KCTD16: variants seen among roughly 807,000 people sequenced by gnomAD.
The protein encoded by KCTD16 is potassium channel tetramerization domain containing 16.
A neutral mutation model predicts 33.2 loss-of-function variants in KCTD16; 13 were observed. That is an observed-to-expected ratio of 0.39 (90% CI 0.25 to 0.62). The LOEUF is 0.62. Ranked by LOEUF, KCTD16 falls within the 20% of genes least tolerant of loss-of-function variation. KCTD16 has a pLI of 0.50. For synonymous variants in KCTD16, 197 were observed against 195.3 expected (o/e 1.01, Z -0.07); for missense variants, 441 against 525.1 (o/e 0.84, Z 1.57).
At chr5:144,402,525 T>G (rs887530707) in intron 3 of KCTD16, among the ~76,000 whole-genome samples, 1 of 152,186 alleles carries the variant, frequency 6.6e-6, no homozygotes, top group Non-Finnish European at 1.5e-5. Flanking sequence ...CTGACTCCAC[T>G]GCTTACTAGC....
chr5:144,352,127 G>T (rs1159895477), intron 3 of KCTD16, among the ~76,000 whole-genome samples: 1 of 152,076 alleles, frequency 6.6e-6, no homozygotes, highest in East Asian at 1.9e-4. Flanking sequence ...ACATCATGTT[G>T]TATACATCAC....
In KCTD16 at chr5:144,478,023, T is replaced by C. The variant is rs957333738; in HGVS notation, c.*3909T>C. On this transcript the variant is annotated 3_prime_UTR_variant, in exon 4 of 4. Coordinates refer to ENST00000512467, the MANE Select transcript of KCTD16 (RefSeq NM_020768.4). ...TGGCAGATAAATGTTTTTGCCAATT[T>C]GCATGCTGGTTTATAGGTTTAGCAT... 2 of 152,108 alleles carry C rather than the reference T, an allele frequency of 1.3e-5. No individual in the cohort carries two copies. The highest frequency in any genetic ancestry group is 2.9e-5 in the Non-Finnish European group (2 of 67,968). 9.4% of individuals were successfully genotyped at this position (152,108 alleles called of 1,614,324 possible). A position where few individuals can be genotyped will look rare whatever the true frequency, so the allele number is the denominator to read the frequency against.
chr5:144,452,289 A>G (rs1381924781), intron 3 of KCTD16, among the ~76,000 whole-genome samples: 1 of 151,802 alleles, frequency 6.6e-6, no homozygotes, highest in African/African-American at 2.4e-5. Flanking sequence ...TACTATGTAA[A>G]ATTTAACCAA....
At chr5:144,421,831 T>G (rs1753218689) in intron 3 of KCTD16, among the ~76,000 whole-genome samples, 1 of 151,974 alleles carries the variant, frequency 6.6e-6, no homozygotes, top group Non-Finnish European at 1.5e-5. Flanking sequence ...AGAAAGTAAA[T>G]AAGAGACACT....
intron 3 of KCTD16, among the ~76,000 whole-genome samples, chr5:144,271,104 C>T (rs1755280826): frequency 6.6e-6 from 1 of 151,942 alleles, no homozygotes. Flanking sequence ...AGAACAAACG[C>T]CAGTTCTTCT....
At chr5:144,316,203 G>T (rs776889383) in intron 3 of KCTD16, among the ~76,000 whole-genome samples, 2 of 152,128 alleles carry the variant, frequency 1.3e-5, no homozygotes, top group Non-Finnish European at 2.9e-5. Flanking sequence ...AGCAGGTGAG[G>T]TTGGAAGTGC....
chr5:144,267,715 G>T (rs949128296), intron 3 of KCTD16, among the ~76,000 whole-genome samples: 5 of 152,126 alleles, frequency 3.3e-5, no homozygotes, highest in Admixed American at 2.6e-4. Flanking sequence ...GAAGCAATTT[G>T]TCAAATGAGG....
At chr5:144,470,424 A>C (rs1006301302) in intron 3 of KCTD16, among the ~76,000 whole-genome samples, 1 of 152,014 alleles carries the variant, frequency 6.6e-6, no homozygotes, top group Non-Finnish European at 1.5e-5. Flanking sequence ...CTTCACAACA[A>C]CCCTTCATGT....
intron 3 of KCTD16, among the ~76,000 whole-genome samples, chr5:144,310,377 C>T (rs145966188): frequency 6.0e-4 from 92 of 152,074 alleles, no homozygotes; most frequent in African/African-American, 2.2e-3. Flanking sequence ...GCAGGTGTCC[C>T]TTTGATATAC....
intron 3 of KCTD16, among the ~76,000 whole-genome samples, chr5:144,435,379 A>T (rs967107554): frequency 6.6e-6 from 1 of 151,992 alleles, no homozygotes; most frequent in Non-Finnish European, 1.5e-5. Context: ...TCTATCTACT[A>T]TATTATTCAG....
intron 3 of KCTD16, among the ~76,000 whole-genome samples, chr5:144,291,535 A>G (rs1253815111): frequency 6.6e-6 from 1 of 152,228 alleles, no homozygotes; most frequent in Non-Finnish European, 1.5e-5. Context: ...CAGGCTGTAT[A>G]TCTTTAATAT....
intron 1 of KCTD16, among the ~76,000 whole-genome samples, chr5:144,173,563 C>A (rs557668197): frequency 1.3e-3 from 199 of 152,204 alleles, no homozygotes; most frequent in African/African-American, 4.6e-3. Context: ...GTACAACAAA[C>A]CCCCATGATA....
chr5:144,234,964 C>T (rs1225313332), intron 3 of KCTD16, among the ~76,000 whole-genome samples: 1 of 151,976 alleles, frequency 6.6e-6, no homozygotes, highest in Non-Finnish European at 1.5e-5. Context: ...AACAGAAATG[C>T]ATCATTAACT....
At chr5:144,232,441 G>A (rs961201539) in intron 3 of KCTD16, among the ~76,000 whole-genome samples, 2 of 152,132 alleles carry the variant, frequency 1.3e-5, no homozygotes, top group African/African-American at 2.4e-5. Flanking sequence ...TAAGCAACTC[G>A]CTCAAGGTCA....
chr5:144,380,081 C>A (rs76935408), intron 3 of KCTD16, among the ~76,000 whole-genome samples: 1,902 of 152,120 alleles, frequency 0.013, 32 homozygotes, highest in African/African-American at 0.043. Flanking sequence ...GGTTCTATAC[C>A]TAGAAAACCC....
At chr5:144,423,387 G>C (rs1753253223) in intron 3 of KCTD16, among the ~76,000 whole-genome samples, 1 of 152,128 alleles carries the variant, frequency 6.6e-6, no homozygotes, top group Non-Finnish European at 1.5e-5. Flanking sequence ...AATCAGACCT[G>C]TCAGAGAATA....
chr5:144,353,876 T>C (rs963470877), intron 3 of KCTD16, among the ~76,000 whole-genome samples: 3 of 128,676 alleles, frequency 2.3e-5, no homozygotes, highest in Non-Finnish European at 4.6e-5. Context: ...TGGTGTTTTA[T>C]TTTTTTTTAA....
At chr5:144,417,171 AC>A (rs982071281) in intron 3 of KCTD16, among the ~76,000 whole-genome samples, 3 of 152,176 alleles carry the variant, frequency 2.0e-5, no homozygotes, top group Non-Finnish European at 4.4e-5. Flanking sequence ...CTGAGGAACC[AC>A]CAAATTGTTT....
At chr5:144,203,076 C>A (rs539103895) in intron 2 of KCTD16, among the ~76,000 whole-genome samples, 6 of 152,116 alleles carry the variant, frequency 3.9e-5, no homozygotes, top group African/African-American at 1.4e-4. Flanking sequence ...TTATTAGATT[C>A]TCTAAGCAGT....
Sources: allele counts gnomAD v4.1 joint callset (sites outside exome capture counted in the v4.1 genomes callset), GRCh38; gene constraint gnomAD v4.1.1; transcripts MANE v1.5; gene names NCBI Gene and HGNC (gene_info 2026-07-23, HGNC 2026-07-21).